Variants in TRRAP observed in about 807,000 individuals in gnomAD.
The protein encoded by TRRAP is transformation/transcription domain-associated protein.
In TRRAP, 41 loss-of-function variants were observed where a neutral mutation model predicts 438.8. The ratio of observed to expected loss-of-function variants is 0.09; its 90% CI spans 0.07 to 0.12. TRRAP has a LOEUF of 0.12. Ranked by LOEUF, TRRAP falls within the 10% of genes least tolerant of loss-of-function variation. The probability of loss-of-function intolerance (pLI) is 1.00; values close to 1 mark genes in which losing one functional copy is unlikely to be tolerated. For missense variants in TRRAP, 3,122 were observed against 5,055.1 expected (o/e 0.62, Z 11.60); for synonymous variants, 1,994 against 1,962.9 (o/e 1.02, Z -0.42).
intron 12 of TRRAP, among the ~76,000 whole-genome samples, chr7:98,904,483 CAAAAAAAAA>C (rs59353514): frequency 4.4e-5 from 2 of 45,564 alleles, no homozygotes; most frequent in African/African-American, 1.4e-4. Context: ...GACTCTGTCT[CAAAAAAAAA>C]AAAAAAAAAA....
intron 4 of TRRAP, among the ~76,000 whole-genome samples, chr7:98,890,741 A>C (rs1224822550): frequency 7.3e-6 from 1 of 137,306 alleles, no homozygotes; most frequent in African/African-American, 2.7e-5. Flanking sequence ...CCCCATACCT[A>C]TTGCCTAGCT....
chr7:98,937,231 C>T lies in TRRAP; in HGVS notation c.4187C>T (p.Ser1396Phe), dbSNP rs1554414452. The T allele has an allele frequency of 1.2e-6, 2 of 1,613,674 alleles. No homozygotes were observed. The highest frequency in any genetic ancestry group is 1.7e-6 in the Non-Finnish European group (2 of 1,179,720). The change falls in exon 29 of 73, where the codon TCC becomes TTC. Residue 1396 changes from serine to phenylalanine, a missense_variant. Around this residue, in one of 24 missense-constraint regions of TRRAP, gnomAD observed 84 missense variants for 119.8 expected, o/e 0.70. Transcript: ENST00000456197. ...GCTGCACTCTTCAAAGCCCTGAATTCCACCAATAGTGAGCTCCAAGAGGCC... is the reference window on the plus strand; with the variant it reads ...GCTGCACTCTTCAAAGCCCTGAATTTCACCAATAGTGAGCTCCAAGAGGCC... The part of the protein sequence containing the change: ...IIAALFKALN[S>F]TNSELQEAGE...
intron 47 of TRRAP, among the ~76,000 whole-genome samples, chr7:98,962,628 G>A (rs921100800): frequency 3.9e-5 from 6 of 152,212 alleles, no homozygotes; most frequent in African/African-American, 1.4e-4. Context: ...TGCTTGCTCT[G>A]TGCTCCCTCC....
Position 98,906,232 on chromosome 7 carries a change from A to T in TRRAP, c.1092A>T (p.Gly364=). The T allele has an allele frequency of 6.2e-7, 1 of 1,613,980 alleles. No individual in the cohort carries two copies. The highest frequency in any genetic ancestry group is 8.5e-7 in the Non-Finnish European group (1 of 1,179,900). ...ATGAATCCATACTAATTGGCTCAGG[A>T]TATACTGCCAGAGAGACTCTAAGGT... ...LFDESILIGS[G]YTARETLRPL... Residue 364 remains glycine (G), a synonymous_variant, in exon 13 of 73, where the codon GGA becomes GGT. Coordinates refer to ENST00000456197, the MANE Select transcript of TRRAP (RefSeq NM_001375524.1).
At chr7:99,003,627 G>A (rs1244753030) in intron 67 of TRRAP, among the ~76,000 whole-genome samples, 6 of 152,238 alleles carry the variant, frequency 3.9e-5, no homozygotes, top group Non-Finnish European at 8.8e-5. Context: ...GGCCTGTGGG[G>A]TTGGGGATGG....
At chr7:98,958,187 G>C in intron 44 of TRRAP, 96 bp downstream of exon 44, 1 of 1,072,312 alleles carries the variant, frequency 9.3e-7, no homozygotes, top group Non-Finnish European at 1.3e-6. Flanking sequence ...CATCAAAAAA[G>C]ATACAGACAA....
intron 17 of TRRAP, 96 bp downstream of exon 17, chr7:98,911,367 G>A: frequency 7.9e-7 from 1 of 1,268,506 alleles, no homozygotes; most frequent in Non-Finnish European, 1.1e-6. Flanking sequence ...TAAAAATAAT[G>A]TAGCCAAGGA....
chr7:98,888,495 C>G (rs1158310760), intron 3 of TRRAP, among the ~76,000 whole-genome samples: 1 of 152,148 alleles, frequency 6.6e-6, no homozygotes, highest in Non-Finnish European at 1.5e-5. Context: ...CAAGATCACG[C>G]CATTGCACTC....
At chr7:98,904,328 A>G (rs1796616031) in intron 12 of TRRAP, among the ~76,000 whole-genome samples, 1 of 151,770 alleles carries the variant, frequency 6.6e-6, no homozygotes, top group Admixed American at 6.6e-5. Flanking sequence ...CTAAAAATAC[A>G]AAAAATTAGC....
chr7:98,999,318 T>C, intron 67 of TRRAP: 1 of 1,367,350 alleles, frequency 7.3e-7, no homozygotes, highest in Non-Finnish European at 1.0e-6. Context: ...CTAAGCTTGA[T>C]CAAAGTCCAA....
intron 57 of TRRAP, among the ~76,000 whole-genome samples, 193 bp downstream of exon 57, chr7:98,978,516 A>T (rs1792772198): frequency 6.6e-6 from 1 of 152,270 alleles, no homozygotes. Context: ...GAGAAGCAGT[A>T]AACTGTCCCT....
intron 18 of TRRAP, among the ~76,000 whole-genome samples, chr7:98,912,966 A>T (rs193273973): frequency 3.3e-5 from 5 of 152,334 alleles, no homozygotes; most frequent in Non-Finnish European, 7.3e-5. Flanking sequence ...GCAGTGAGGC[A>T]TGATTTGATT....
intron 30 of TRRAP, among the ~76,000 whole-genome samples, chr7:98,942,052 T>C (rs1220158549): frequency 1.3e-5 from 2 of 152,230 alleles, no homozygotes; most frequent in Non-Finnish European, 2.9e-5. Flanking sequence ...CAACTGTTAT[T>C]GAATGCTCTT....
chr7:98,962,187 A>G (rs1048541726), intron 46 of TRRAP, 115 bp from the exon 47 acceptor site: 1 of 1,499,492 alleles, frequency 6.7e-7, no homozygotes, highest in African/African-American at 1.4e-5. Flanking sequence ...GCAGGGAGAG[A>G]AGTGCCCGTG....
chr7:98,879,199 C>G (rs1238470645), intron 1 of TRRAP, among the ~76,000 whole-genome samples: 1 of 152,082 alleles, frequency 6.6e-6, no homozygotes, highest in Non-Finnish European at 1.5e-5. Flanking sequence ...CGGCGCCAGC[C>G]CGGCCTGGGC....
intron 31 of TRRAP, among the ~76,000 whole-genome samples, chr7:98,945,431 T>C (rs1791005128): frequency 6.6e-6 from 1 of 152,204 alleles, no homozygotes; most frequent in Non-Finnish European, 1.5e-5. Context: ...AAAAGACTTT[T>C]TAAAAATGTA....
intron 31 of TRRAP, 62 bp downstream of exon 31, chr7:98,943,079 CG>C: frequency 6.4e-7 from 1 of 1,557,236 alleles, no homozygotes; most frequent in Non-Finnish European, 8.8e-7. Flanking sequence ...GTGCTAATGC[CG>C]GGACAGTGCT....
At chr7:98,938,797 T>A (rs1265524085) in intron 30 of TRRAP, among the ~76,000 whole-genome samples, 1 of 152,242 alleles carries the variant, frequency 6.6e-6, no homozygotes, top group Non-Finnish European at 1.5e-5. Flanking sequence ...TGGTGTACAT[T>A]TCTAGTTGTA....
At position 98,912,724 on chromosome 7, in the gene TRRAP, A is replaced by G. The variant is rs141040794; in HGVS notation, c.2199+511A>G. 1.5e-3 allele frequency among the ~76,000 whole-genome samples: 227 copies of G among 152,262 alleles called. 1 individual carries two copies. Among genetic ancestry groups the G allele is most frequent in the African/African-American group, 5.2e-3 (214 of 41,544 alleles). ...CAAACGAACTTATTAGAAGGAAAAA[A>G]ATGTCTTCACCTACCTCTCAAATAT... On this transcript the variant is annotated intron_variant, in intron 18 of 72. Coordinates refer to ENST00000456197, the MANE Select transcript of TRRAP (RefSeq NM_001375524.1).
Sources: allele counts gnomAD v4.1 joint callset (sites outside exome capture counted in the v4.1 genomes callset), GRCh38; gene constraint gnomAD v4.1.1; regional missense constraint gnomAD v4.1.1; transcripts MANE v1.5; gene names NCBI Gene and HGNC (gene_info 2026-07-23, HGNC 2026-07-21).